Variants in ABLIM1 observed in about 807,000 individuals in gnomAD.
ABLIM1 encodes the protein actin binding LIM protein 1, also known as actin-binding LIM protein 1.
ABLIM1 carries 40 observed loss-of-function variants against 107.0 expected under a neutral mutation model. The ratio of observed to expected loss-of-function variants is 0.37; its 90% CI spans 0.29 to 0.49. The LOEUF (loss-of-function observed/expected upper bound fraction) is 0.49. Among genes scored for constraint, ABLIM1 ranks in the 20% least tolerant of loss-of-function variants. The pLI is 0.97. For synonymous variants in ABLIM1, 357 were observed against 357.3 expected (o/e 1.00, Z 0.01); for missense variants, 857 against 1,008.5 (o/e 0.85, Z 2.04).
chr10:114,456,065 C>T (rs565084094), intron 12 of ABLIM1, among the ~76,000 whole-genome samples: 7 of 152,246 alleles, frequency 4.6e-5, no homozygotes, highest in Admixed American at 3.3e-4. Context: ...CCACCCGCCT[C>T]GGCCTCCCAA....
intron 10 of ABLIM1, among the ~76,000 whole-genome samples, chr10:114,470,865 G>T (rs569382352): frequency 6.6e-6 from 1 of 151,046 alleles, no homozygotes; most frequent in African/African-American, 2.5e-5. Flanking sequence ...CTTTTTTTGT[G>T]GTGGTGGTTT....
intron 6 of ABLIM1, among the ~76,000 whole-genome samples, chr10:114,496,132 G>T (rs1251365064): frequency 2.0e-5 from 3 of 152,200 alleles, no homozygotes; most frequent in Non-Finnish European, 4.4e-5. Context: ...GATGCCCTGG[G>T]CAGGCATAGG....
intron 1 of ABLIM1, among the ~76,000 whole-genome samples, chr10:114,644,072 G>A (rs1435912516): frequency 6.6e-6 from 1 of 151,042 alleles, no homozygotes; most frequent in African/African-American, 2.4e-5. Context: ...ACAAGGTCAG[G>A]AGATAGAGAC....
intron 1 of ABLIM1, among the ~76,000 whole-genome samples, chr10:114,647,398 A>G (rs2079058186): frequency 6.6e-6 from 1 of 152,232 alleles, no homozygotes; most frequent in Non-Finnish European, 1.5e-5. Context: ...GGAAAGGATA[A>G]CAGAACATAT....
At chr10:114,578,785 CTTTTTTTTT>C (rs35420465) in intron 2 of ABLIM1, among the ~76,000 whole-genome samples, 1 of 111,720 alleles carries the variant, frequency 9.0e-6, no homozygotes, top group East Asian at 2.6e-4. Flanking sequence ...TCTTTCTTTT[CTTTTTTTTT>C]TTTTTTTTGA....
chr10:114,697,113 G>C (rs1396462559), intron 1 of ABLIM1, among the ~76,000 whole-genome samples: 1 of 152,100 alleles, frequency 6.6e-6, no homozygotes, highest in South Asian at 2.1e-4. Context: ...AAAATTCCAG[G>C]TCAGACACAA....
intron 1 of ABLIM1, among the ~76,000 whole-genome samples, chr10:114,625,244 C>T (rs1331903443): frequency 6.6e-6 from 1 of 152,100 alleles, no homozygotes; most frequent in Non-Finnish European, 1.5e-5. Context: ...GATAGTGACT[C>T]AATAGTCATC....
rs759650434 is a variant in ABLIM1 at position 114,451,711 on chromosome 10, C to G, written c.1547-40G>C. 2.6e-6 allele frequency: 4 copies of G among 1,556,296 alleles called. No homozygotes were observed. In the African/African-American group the frequency reaches 5.5e-5, roughly 21 times the overall value. On this transcript the variant is annotated intron_variant, in intron 13 of 22. Coordinates refer to ENST00000533213, the MANE Select transcript of ABLIM1 (RefSeq NM_002313.7). ...AGCAAAGGTGTGTGATTATGGGAAC[C>G]AGTTCAGCGATGGGAAAAACAGATC... is the stretch of plus-strand genomic sequence containing the variant.
At chr10:114,632,425 C>G (rs1457158584) in intron 1 of ABLIM1, 1 of 985,284 alleles carries the variant, frequency 1.0e-6, no homozygotes, top group African/African-American at 1.7e-5. Context: ...CTCCCTGTTA[C>G]AGTCGCTTTC....
chr10:114,453,691 G>C (rs571778957), intron 12 of ABLIM1, among the ~76,000 whole-genome samples: 1 of 152,346 alleles, frequency 6.6e-6, no homozygotes, highest in South Asian at 2.1e-4. Context: ...AACTCAGGTG[G>C]AGCTGGGTTA....
intron 1 of ABLIM1, among the ~76,000 whole-genome samples, chr10:114,704,302 CTATATATATA>C (rs369952218): frequency 0.03 from 1,290 of 43,052 alleles, 35 homozygotes; most frequent in African/African-American, 0.066. Flanking sequence ...CTCTCTCTCT[CTATATATATA>C]TATATATATA....
chr10:114,501,100 C>G (rs1185630018), intron 6 of ABLIM1, among the ~76,000 whole-genome samples: 3 of 152,212 alleles, frequency 2.0e-5, no homozygotes, highest in Non-Finnish European at 4.4e-5. Context: ...TTCTGTGCCT[C>G]AGCTATAGTT....
intron 6 of ABLIM1, among the ~76,000 whole-genome samples, chr10:114,519,440 T>C (rs79503312): frequency 0.027 from 4,037 of 152,176 alleles, 181 homozygotes; most frequent in African/African-American, 0.091. Context: ...CCAGCACATG[T>C]TGGGTGTGAG....
chr10:114,791,324 T>A, the ABLIM1 span, among the ~76,000 whole-genome samples: 3 of 152,146 alleles, frequency 2.0e-5, no homozygotes, highest in Non-Finnish European at 4.4e-5. Flanking sequence ...TTTAAAGGCC[T>A]CTGCTGGTGG....
rs371642214 is a variant in ABLIM1, at chr10:114,619,442, C to A, written c.245-17481G>T. 9.8e-5 allele frequency among the ~76,000 whole-genome samples: 15 copies of A among 152,308 alleles called. No individual in the cohort carries two copies. Among genetic ancestry groups the A allele is most frequent in the South Asian group, 8.3e-4 (4 of 4,826 alleles). ...GAACTCCTGACCTCAAACAATTCAC[C>A]TGCCTTGGCCTCCCAAAGTGCTAGG... is the stretch of plus-strand genomic sequence containing the variant. On this transcript the variant is annotated intron_variant, in intron 1 of 22. Coordinates refer to ENST00000533213, the MANE Select transcript of ABLIM1 (RefSeq NM_002313.7). The surrounding 1 kb of genome is among the most constrained non-coding windows in gnomAD (Gnocchi z 4.1).
chr10:114,704,302 C>CTCTATATATATA (rs1380460034), intron 1 of ABLIM1, among the ~76,000 whole-genome samples: 2 of 43,058 alleles, frequency 4.6e-5, no homozygotes, highest in African/African-American at 8.4e-5. Flanking sequence ...CTCTCTCTCT[C>CTCTATATATATA]TATATATATA....
At chr10:114,451,487 A>G (rs2145895) in intron 14 of ABLIM1, 137 bp downstream of exon 14, 336,623 of 814,414 alleles carry the variant, frequency 0.41, 69,809 homozygotes, top group East Asian at 0.46. Context: ...ATCTTAGTAG[A>G]CCAGAAAGGC....
chr10:114,512,930 G>C (rs1392559752), intron 6 of ABLIM1, among the ~76,000 whole-genome samples: 2 of 151,046 alleles, frequency 1.3e-5, no homozygotes, highest in Admixed American at 6.6e-5. Flanking sequence ...GAAAGAAAGA[G>C]AGAAAGCAAG....
In ABLIM1 at chr10:114,690,391, C is replaced by T. The variant is rs991126049; in HGVS notation, c.-213+77670G>A. ...TGCTTTAGGATGAAGTTCTCATCATCAAATTTCTCCCCATAGATGGACTTG... is the reference window on the plus strand; with the variant it reads ...TGCTTTAGGATGAAGTTCTCATCATTAAATTTCTCCCCATAGATGGACTTG... On this transcript the variant is annotated intron_variant, in intron 1 of 15. Coordinates refer to the ABLIM1 transcript ENST00000651092. 6 of 1,605,808 alleles carry T rather than the reference C, an allele frequency of 3.7e-6. No individual in the cohort carries two copies. In the African/African-American group the frequency reaches 4.0e-5, roughly 11 times the overall value.
Sources: allele counts gnomAD v4.1 joint callset (sites outside exome capture counted in the v4.1 genomes callset), GRCh38; gene constraint gnomAD v4.1.1; non-coding constraint Gnocchi (gnomAD v3.1); transcripts MANE v1.5; gene names NCBI Gene and HGNC (gene_info 2026-07-23, HGNC 2026-07-21).